Variants in ZNF559 observed in about 807,000 individuals in gnomAD.
ZNF559 encodes the protein putative protein product of Nbla00121.
A neutral mutation model predicts 14.2 loss-of-function variants in ZNF559; 17 were observed. That is an observed-to-expected ratio of 1.20 (90% CI 0.82 to 1.80). ZNF559 has a LOEUF of 1.80. ZNF559 is among the 40% of genes most tolerant of loss of function. The pLI is 0.00. For synonymous variants in ZNF559, 244 were observed against 212.4 expected, an observed-to-expected ratio of 1.15 and a Z score of -1.29; for missense variants, 740 against 629.7, an observed-to-expected ratio of 1.18 and a Z score of -1.88.
In ZNF559 at chr19:9,329,025, A is replaced by G. The variant is rs546653187; in HGVS notation, c.-120+4245A>G. Among the ~76,000 whole-genome samples, 210 of 152,352 alleles carry G rather than the reference A, an allele frequency of 1.4e-3. 1 individual carries two copies. The highest frequency in any genetic ancestry group is 2.6e-3 in the Non-Finnish European group (174 of 68,030). Reference sequence around the variant, plus strand: ...AAAAAAGCAACAACTCAAAAAAGTCATTAGAACTGCTTTGTTCTTTTTGTG... The same window carrying G: ...AAAAAAGCAACAACTCAAAAAAGTCGTTAGAACTGCTTTGTTCTTTTTGTG... On this transcript the variant is annotated intron_variant, in intron 2 of 6. Transcript: ENST00000603380.
Position 9,342,558 on chromosome 19 carries a change from T to A in ZNF559, c.1107T>A (p.Thr369=). 1.2e-6 allele frequency: 2 copies of A among 1,614,088 alleles called. No individual in the cohort carries two copies. The highest frequency in any genetic ancestry group is 1.7e-6 in the Non-Finnish European group (2 of 1,179,996). Residue 369 remains threonine, a synonymous_variant, in exon 7 of 7, where the codon ACT becomes ACA. Transcript: ENST00000603380. ...CTTTTGCTAACTCTTCACATCTTAC[T>A]GTACATATGAGAACTCACACTGGTG... The part of the protein sequence containing the change: ...GKAFANSSHL[T]VHMRTHTGEK...
chr19:9,342,716 C>T lies in ZNF559; in HGVS notation c.1265C>T (p.Ser422Leu), dbSNP rs746183696. Residue 422 changes from serine (S) to leucine (L), a missense_variant, in exon 7 of 7, where the codon TCA (serine) becomes TTA (leucine). Coordinates refer to ENST00000603380, the MANE Select transcript of ZNF559 (RefSeq NM_032497.3). ...QQCGKAFIRS[S>L]FLIRHLRSHS... ...TGTGGGAAAGCCTTCATTCGATCCT[C>T]ATTTCTTATTCGACATTTGAGAAGT... The T allele has an allele frequency of 6.2e-7, 1 of 1,614,200 alleles. No homozygotes were observed. The highest frequency in any genetic ancestry group is 1.1e-5 in the South Asian group (1 of 91,090).
chr19:9,324,484 C>G lies in ZNF559; in HGVS notation c.-205-211C>G, dbSNP rs2066456337. 6 of 1,393,318 alleles carry G rather than the reference C, an allele frequency of 4.3e-6. No individual in the cohort carries two copies. The East Asian group carries it at 1.5e-4, about 35-fold the overall frequency. The allele number at this position is 1,393,318 out of a possible 1,614,324, so 86.3% of individuals were successfully genotyped here. On this transcript the variant is annotated intron_variant, in intron 1 of 6. Transcript: ENST00000603380. ...GGGGGGCACGGCCTTTCCATTTTCC[C>G]TGCTCCCCTCTGCAGAAGCCTCATA...
At chr19:9,324,811 G>A (rs1463674954) in intron 2 of ZNF559, 31 bp downstream of exon 2, 1 of 1,522,196 alleles carries the variant, frequency 6.6e-7, no homozygotes, top group Non-Finnish European at 8.8e-7. Context: ...TTCTGGCTGT[G>A]GGTGTCGGGT....
At chr19:9,323,795 G>A (rs553110650), upstream of ZNF559, 1 of 212,268 alleles carries the variant, frequency 4.7e-6, no homozygotes, top group African/African-American at 2.3e-5. Flanking sequence ...TGAGCATGAA[G>A]TGGCCAATGG....
At position 9,342,549 on chromosome 19, in the gene ZNF559, A is replaced by G. The variant is rs1376210241; in HGVS notation, c.1098A>G (p.Ser366=). The G allele has an allele frequency of 6.2e-7, 1 of 1,613,998 alleles. No individual in the cohort carries two copies. ...KECGKAFANS[S]HLTVHMRTHT... ...GTGGGAAAGCTTTTGCTAACTCTTC[A>G]CATCTTACTGTACATATGAGAACTC... The change falls in exon 7 of 7, where the codon TCA becomes TCG. Residue 366 remains serine (S), a synonymous_variant. Coordinates refer to ENST00000603380, the MANE Select transcript of ZNF559 (RefSeq NM_032497.3).
chr19:9,327,282 C>T (rs886902443), intron 2 of ZNF559, among the ~76,000 whole-genome samples: 1 of 151,766 alleles, frequency 6.6e-6, no homozygotes, highest in Non-Finnish European at 1.5e-5. Context: ...GAGTCTCACT[C>T]TGCCGCCCAG....
intron 2 of ZNF559, among the ~76,000 whole-genome samples, chr19:9,327,342 G>A (rs754064140): frequency 9.9e-5 from 15 of 151,910 alleles, no homozygotes; most frequent in Non-Finnish European, 2.1e-4. Flanking sequence ...CCGCCTCCCC[G>A]GTTCAAGTGA....
intron 2 of ZNF559, chr19:9,330,212 G>C (rs903169750): frequency 6.6e-6 from 1 of 152,152 alleles, no homozygotes; most frequent in Non-Finnish European, 1.5e-5. Context: ...AGATTCCTTT[G>C]TATGTAGTAA....
chr19:9,341,363 CT>C, intron 6 of ZNF559, 179 bp downstream of exon 6: 1 of 760,754 alleles, frequency 1.3e-6, no homozygotes, highest in South Asian at 1.5e-5. Context: ...CTAAACATCC[CT>C]CAGAATATAT....
intron 2 of ZNF559, among the ~76,000 whole-genome samples, chr19:9,325,976 TC>T (rs1374761415): frequency 6.6e-6 from 1 of 152,018 alleles, no homozygotes; most frequent in Admixed American, 6.6e-5. Flanking sequence ...TCATTGTCCA[TC>T]CCCACCCCCA....
At chr19:9,332,917 C>T (rs1209882126) in intron 2 of ZNF559, 1 of 152,020 alleles carries the variant, frequency 6.6e-6, no homozygotes, top group East Asian at 1.9e-4. Context: ...AAGGATCAAC[C>T]CTTGGAAGTT....
intron 5 of ZNF559, 72 bp from the exon 6 acceptor site, chr19:9,341,030 C>T (rs1392386956): frequency 2.5e-6 from 3 of 1,185,840 alleles, no homozygotes; most frequent in East Asian, 2.4e-5. Context: ...ACATACTAGT[C>T]TTGCATTTTT....
chr19:9,341,283 G>C, intron 6 of ZNF559, 99 bp downstream of exon 6: 1 of 1,216,764 alleles, frequency 8.2e-7, no homozygotes, highest in Non-Finnish European at 1.2e-6. Context: ...AGACATTTGA[G>C]ACTAGTGTTT....
intron 1 of ZNF559, 22 bp from the exon 2 acceptor site, chr19:9,324,673 C>A: frequency 6.9e-7 from 1 of 1,447,666 alleles, no homozygotes; most frequent in Non-Finnish European, 9.2e-7. Context: ...CCACATCCAG[C>A]GTTGTGCCTT....
At chr19:9,338,026 G>A (rs747891572) in intron 3 of ZNF559, 168 bp downstream of exon 3, 70 of 1,534,000 alleles carry the variant, frequency 4.6e-5, no homozygotes, top group Non-Finnish European at 4.5e-5. Flanking sequence ...TGGTAAGTCC[G>A]TATTGATGGT....
At chr19:9,326,779 G>A (rs139433502) in intron 2 of ZNF559, among the ~76,000 whole-genome samples, 127 of 152,164 alleles carry the variant, frequency 8.3e-4, no homozygotes, top group African/African-American at 2.9e-3. Flanking sequence ...AATCCTGCAC[G>A]TATTTTACAC....
Position 9,334,426 on chromosome 19 carries a change from G to A in ZNF559, c.-119-3370G>A, listed in dbSNP as rs557410095. Among the ~76,000 whole-genome samples the A allele has an allele frequency of 5.9e-5, 9 of 152,168 alleles. No individual in the cohort carries two copies. The East Asian group carries it at 1.7e-3, about 29-fold the overall frequency. ...TATTATGGAGTGCTTTTCGGTAAAA[G>A]GAAAAGAACTATATGTGTAACAGTA... On this transcript the variant is annotated intron_variant, in intron 2 of 6. Transcript: ENST00000603380.
intron 6 of ZNF559, 122 bp from the exon 7 acceptor site, chr19:9,341,573 A>G (rs1444305140): frequency 1.3e-6 from 2 of 1,532,700 alleles, no homozygotes; most frequent in Non-Finnish European, 8.8e-7. Context: ...AATGGCAGGA[A>G]CAAACAGTTT....
Sources: gnomAD v4.1 joint callset for allele counts (sites outside exome capture counted in the v4.1 genomes callset) on GRCh38, gnomAD v4.1.1 for gene constraint, MANE v1.5 for transcripts, NCBI Gene and HGNC (gene_info 2026-07-23, HGNC 2026-07-21) for gene names.